Variants in SHISA6 observed in about 807,000 individuals in gnomAD.
SHISA6 encodes the protein protein shisa-6.
In SHISA6, 22 loss-of-function variants were observed where a neutral mutation model predicts 47.9. The ratio of observed to expected loss-of-function variants is 0.46; its 90% CI spans 0.33 to 0.66. SHISA6 has a LOEUF of 0.66. Among genes scored for constraint, SHISA6 ranks in the 30% least tolerant of loss-of-function variants. The pLI is 0.02. For missense variants in SHISA6, 680 were observed against 764.6 expected (o/e 0.89, Z 1.30); for synonymous variants, 388 against 337.8 (o/e 1.15, Z -1.63).
intron 3 of SHISA6, among the ~76,000 whole-genome samples, chr17:11,467,256 T>C (rs192483959): frequency 1.3e-5 from 2 of 152,218 alleles, no homozygotes; most frequent in East Asian, 3.9e-4. Flanking sequence ...GGCTCCAGGG[T>C]TATAATGATG....
chr17:11,268,659 T>C (rs1567555448), intron 2 of SHISA6, among the ~76,000 whole-genome samples: 1 of 152,228 alleles, frequency 6.6e-6, no homozygotes, highest in Non-Finnish European at 1.5e-5. Flanking sequence ...TCTAACATCA[T>C]ACATTTGTCG....
chr17:11,550,275 T>A (rs2071919791), intron 3 of SHISA6, among the ~76,000 whole-genome samples: 1 of 152,150 alleles, frequency 6.6e-6, no homozygotes, highest in Admixed American at 6.5e-5. Context: ...CAGGCTGGTC[T>A]CAAACTCTTG....
At chr17:11,453,181 G>A (rs1041618446) in intron 3 of SHISA6, among the ~76,000 whole-genome samples, 1 of 152,082 alleles carries the variant, frequency 6.6e-6, no homozygotes, top group Non-Finnish European at 1.5e-5. Flanking sequence ...CCCTAAACAG[G>A]GTGAGACCTA....
chr17:11,453,979 T>C (rs1383253443), intron 3 of SHISA6, among the ~76,000 whole-genome samples: 2 of 152,234 alleles, frequency 1.3e-5, no homozygotes, highest in African/African-American at 4.8e-5. Flanking sequence ...ATGTAAATTT[T>C]CACTTCTCTT....
chr17:11,481,356 G>GTATATATATA (rs1417264013), intron 3 of SHISA6, among the ~76,000 whole-genome samples: 149 of 121,140 alleles, frequency 1.2e-3, no homozygotes, highest in African/African-American at 4.4e-3. Context: ...GTGTGTGTGT[G>GTATATATATA]TGTGTGTGTG....
intron 2 of SHISA6, among the ~76,000 whole-genome samples, chr17:11,371,749 A>T (rs1176349853): frequency 6.6e-6 from 1 of 152,166 alleles, no homozygotes; most frequent in Non-Finnish European, 1.5e-5. Flanking sequence ...ACAAAAAAAA[A>T]TGGCCCATGA....
intron 4 of SHISA6, 49 bp downstream of exon 4, chr17:11,552,001 C>T: frequency 6.5e-7 from 1 of 1,527,816 alleles, no homozygotes; most frequent in African/African-American, 1.4e-5. Context: ...TTTCGAGTGG[C>T]ACCATTCTAA....
chr17:11,323,620 C>G (rs1910780866), intron 2 of SHISA6, among the ~76,000 whole-genome samples: 1 of 151,910 alleles, frequency 6.6e-6, no homozygotes, highest in South Asian at 2.1e-4. Flanking sequence ...CGCCATTGCA[C>G]TCCATCCTGG....
At chr17:11,378,762 A>G (rs1349238645) in intron 2 of SHISA6, among the ~76,000 whole-genome samples, 3 of 152,200 alleles carry the variant, frequency 2.0e-5, no homozygotes, top group Non-Finnish European at 4.4e-5. Flanking sequence ...TAAAGAAGCG[A>G]AGCACGTATA....
At chr17:11,251,981 T>A (rs766922919) in intron 1 of SHISA6, among the ~76,000 whole-genome samples, 18 of 152,304 alleles carry the variant, frequency 1.2e-4, no homozygotes, top group Non-Finnish European at 2.2e-4. Context: ...AGCAGGAAAC[T>A]CACCTCTGCC....
chr17:11,484,810 G>A (rs1356277041), intron 3 of SHISA6, among the ~76,000 whole-genome samples: 2 of 152,184 alleles, frequency 1.3e-5, no homozygotes, highest in Admixed American at 1.3e-4. Flanking sequence ...CCAAATTGGT[G>A]AAAAATCCTG....
chr17:11,494,960 C>T (rs554663282), intron 3 of SHISA6, among the ~76,000 whole-genome samples: 8 of 152,270 alleles, frequency 5.3e-5, no homozygotes, highest in East Asian at 3.9e-4. Flanking sequence ...AACAGGACCA[C>T]GAGCCTGAGG....
At chr17:11,401,350 C>T (rs145103380) in intron 3 of SHISA6, among the ~76,000 whole-genome samples, 15 of 152,330 alleles carry the variant, frequency 9.8e-5, no homozygotes, top group Middle Eastern at 3.4e-3. Context: ...CACATGCCAT[C>T]ATGCCCAGCT....
intron 3 of SHISA6, among the ~76,000 whole-genome samples, chr17:11,544,389 C>G (rs1597579360): frequency 1.3e-5 from 2 of 151,652 alleles, no homozygotes; most frequent in Non-Finnish European, 2.9e-5. Flanking sequence ...TAAAAATGGG[C>G]AGAAGTAACG....
intron 3 of SHISA6, among the ~76,000 whole-genome samples, chr17:11,402,427 C>A (rs932797149): frequency 6.6e-6 from 1 of 152,202 alleles, no homozygotes; most frequent in Non-Finnish European, 1.5e-5. Flanking sequence ...AAATATAGTT[C>A]TCCAAACTCC....
At chr17:11,353,732 G>A (rs1433935127) in intron 2 of SHISA6, among the ~76,000 whole-genome samples, 1 of 152,206 alleles carries the variant, frequency 6.6e-6, no homozygotes, top group Non-Finnish European at 1.5e-5. Flanking sequence ...TGAGGAAAGG[G>A]AAGGTTAATT....
chr17:11,540,220 C>G (rs1054741840), intron 3 of SHISA6, among the ~76,000 whole-genome samples: 19 of 152,194 alleles, frequency 1.2e-4, no homozygotes, highest in African/African-American at 4.6e-4. Context: ...TATCGACTCT[C>G]CACCCTTCTC....
intron 2 of SHISA6, among the ~76,000 whole-genome samples, chr17:11,265,451 C>G (rs755684946): frequency 6.2e-4 from 94 of 152,262 alleles, no homozygotes; most frequent in Admixed American, 8.5e-4. Context: ...GGGCTGGTGG[C>G]TAACACTTCC....
chr17:11,544,135 AT>A lies in SHISA6; in HGVS notation c.896-7754del, dbSNP rs557868943. ...AAAGCATGAAGAAAAAAACAGGAGA[AT>A]TTTTTTCAGGCTTCAGGGATAGAAG... On this transcript the variant is annotated intron_variant, in intron 3 of 5. Transcript: ENST00000441885. Among the ~76,000 whole-genome samples, 601 of 152,186 alleles carry A rather than the reference AT, an allele frequency of 3.9e-3. 5 individuals are homozygous for A. Among genetic ancestry groups the A allele is most frequent in the African/African-American group, 0.014 (562 of 41,552 alleles).
Sources: allele counts gnomAD v4.1 joint callset (sites outside exome capture counted in the v4.1 genomes callset), GRCh38; gene constraint gnomAD v4.1.1; transcripts MANE v1.5; gene names NCBI Gene and HGNC (gene_info 2026-07-23, HGNC 2026-07-21).